The following UGT1A8 variants were observed in gnomAD, a reference collection of about 807,000 sequenced individuals.
UGT1A8 encodes the protein UDP glucuronosyltransferase family 1 member A8.
A neutral mutation model predicts 45.3 loss-of-function variants in UGT1A8; 39 were observed. The observed-to-expected ratio is 0.86, with a 90% CI of 0.67 to 1.12. The LOEUF is 1.12. Ranked by LOEUF, UGT1A8 falls within the 50% of genes most tolerant of loss-of-function variation. The pLI, the probability that UGT1A8 is intolerant of heterozygous loss-of-function variation, is 0.00. For missense variants in UGT1A8, 719 were observed against 664.9 expected (o/e 1.08, Z -0.90); for synonymous variants, 275 against 249.2 (o/e 1.10, Z -0.97).
chr2:233,638,541 A>G (rs1276355171), intron 1 of UGT1A8, among the ~76,000 whole-genome samples: 1 of 152,212 alleles, frequency 6.6e-6, no homozygotes, highest in East Asian at 1.9e-4. Context: ...TAGAGTAGCC[A>G]GTTTAAATAG....
intron 4 of UGT1A8, chr2:233,771,032 G>A (rs560864303): frequency 1.4e-4 from 22 of 152,232 alleles, no homozygotes; most frequent in African/African-American, 4.8e-4. Flanking sequence ...AGTTGGGGGG[G>A]AAGGTGCCAC....
At chr2:233,739,588 C>A (rs1487878859) in intron 1 of UGT1A8, among the ~76,000 whole-genome samples, 1 of 152,180 alleles carries the variant, frequency 6.6e-6, no homozygotes, top group African/African-American at 2.4e-5. Context: ...TTGCATGGGG[C>A]CTATAGCCCC....
Position 233,743,942 on chromosome 2 carries a change from G to A in UGT1A8, c.856-23092G>A, listed in dbSNP as rs1297528257. On this transcript the variant is annotated intron_variant, in intron 1 of 4. Coordinates refer to ENST00000373450, the MANE Select transcript of UGT1A8 (RefSeq NM_019076.5). ...GCTGGATGGCCAGAACGGCCCACCA[G>A]GCACTGGCACAGCGAGCGGCAAGGC... 3 of 1,352,602 alleles carry A rather than the reference G, an allele frequency of 2.2e-6. No individual in the cohort carries two copies. The African/African-American group carries it at 4.5e-5, about 20-fold the overall frequency. The allele number at this position is 1,352,602 out of a possible 1,614,324, so 83.8% of individuals were successfully genotyped here.
intron 1 of UGT1A8, among the ~76,000 whole-genome samples, chr2:233,715,537 C>T (rs532391786): frequency 4.5e-4 from 69 of 152,064 alleles, no homozygotes; most frequent in African/African-American, 1.4e-3. Context: ...TTTGGGAGAC[C>T]GAGGGAGGAG....
At chr2:233,644,783 T>C (rs2073555747) in intron 1 of UGT1A8, among the ~76,000 whole-genome samples, 1 of 152,114 alleles carries the variant, frequency 6.6e-6, no homozygotes, top group Non-Finnish European at 1.5e-5. Flanking sequence ...TTTTTTTTTC[T>C]ATTTCTTCAG....
chr2:233,737,160 G>A (rs1247160772), intron 1 of UGT1A8, among the ~76,000 whole-genome samples: 1 of 152,224 alleles, frequency 6.6e-6, no homozygotes, highest in Non-Finnish European at 1.5e-5. Flanking sequence ...CCTGCCCACA[G>A]AGGTGGAGTC....
chr2:233,709,130 G>A (rs569076662), intron 1 of UGT1A8, among the ~76,000 whole-genome samples: 60 of 152,068 alleles, frequency 3.9e-4, no homozygotes, highest in Non-Finnish European at 7.9e-4. Flanking sequence ...TGGTGGCCAA[G>A]GGGATGAGAC....
At chr2:233,707,162 C>A (rs2075944587) in intron 1 of UGT1A8, among the ~76,000 whole-genome samples, 1 of 152,100 alleles carries the variant, frequency 6.6e-6, no homozygotes, top group Non-Finnish European at 1.5e-5. Context: ...TTATCAGCAC[C>A]CAGACATCCA....
intron 1 of UGT1A8, chr2:233,747,431 A>C (rs184446696): frequency 1.0e-4 from 161 of 1,608,566 alleles, no homozygotes; most frequent in Middle Eastern, 1.7e-4. Flanking sequence ...AACAAGAGAA[A>C]TTTTTCACCC....
rs1354115874 is a variant in UGT1A8 at position 233,743,513 on chromosome 2, T to A, written c.856-23521T>A. 4 of 1,367,280 alleles carry A rather than the reference T, an allele frequency of 2.9e-6. No homozygotes were observed. In the South Asian group the frequency reaches 3.4e-5, roughly 12 times the overall value. The allele number at this position is 1,367,280 out of a possible 1,614,324, so 84.7% of individuals were successfully genotyped here. ...GCAGAGAAAAGGGGTGCAGACGCTC[T>A]GCTTCTGCTTCCCCAGCAGTTCCTC... On this transcript the variant is annotated intron_variant, in intron 1 of 4. Transcript: ENST00000373450.
At chr2:233,657,040 T>C (rs968138558) in intron 1 of UGT1A8, among the ~76,000 whole-genome samples, 2 of 152,148 alleles carry the variant, frequency 1.3e-5, no homozygotes, top group South Asian at 2.1e-4. Flanking sequence ...TGTCAGTTAC[T>C]GCTGCTTCCC....
At chr2:233,768,051 T>C in intron 3 of UGT1A8, 115 bp downstream of exon 3, 1 of 1,605,492 alleles carries the variant, frequency 6.2e-7, no homozygotes, top group South Asian at 1.1e-5. Flanking sequence ...CAACATATCC[T>C]ACATTGCTTT....
At chr2:233,747,557 A>G (rs1485247055) in intron 1 of UGT1A8, 14 of 1,596,092 alleles carry the variant, frequency 8.8e-6, no homozygotes, top group Non-Finnish European at 8.6e-6. Flanking sequence ...AAAGTATGGC[A>G]ATTTTGAAAA....
At chr2:233,633,404 C>A (rs1176829182) in intron 1 of UGT1A8, among the ~76,000 whole-genome samples, 3 of 152,150 alleles carry the variant, frequency 2.0e-5, no homozygotes, top group African/African-American at 7.2e-5. Context: ...CCTCTTTGTA[C>A]CTCTGGTAGA....
intron 1 of UGT1A8, chr2:233,648,711 G>A (rs950191233): frequency 4.0e-5 from 17 of 424,108 alleles, no homozygotes; most frequent in Middle Eastern, 3.7e-4. Context: ...TGATCCGCCC[G>A]CCTTGGCCTC....
chr2:233,634,222 C>T (rs2073238573), intron 1 of UGT1A8, among the ~76,000 whole-genome samples: 1 of 152,138 alleles, frequency 6.6e-6, no homozygotes, highest in African/African-American at 2.4e-5. Context: ...GAGTGTTTTG[C>T]TTCCAATTAT....
At chr2:233,672,599 G>GT (rs773814470) in intron 1 of UGT1A8, 4 of 1,613,822 alleles carry the variant, frequency 2.5e-6, no homozygotes, top group Non-Finnish European at 3.4e-6. Context: ...TTATGCCACC[G>GT]TTTTTTCAAA....
At chr2:233,742,146 G>A (rs1312882014) in intron 1 of UGT1A8, among the ~76,000 whole-genome samples, 1 of 151,928 alleles carries the variant, frequency 6.6e-6, no homozygotes, top group Admixed American at 6.5e-5. Context: ...AGCAGCGCTA[G>A]ACGAATTAAA....
At chr2:233,720,076 G>A (rs1239558691) in intron 1 of UGT1A8, among the ~76,000 whole-genome samples, 1 of 152,116 alleles carries the variant, frequency 6.6e-6, no homozygotes, top group African/African-American at 2.4e-5. Context: ...TTAGAATTGT[G>A]GACATGATAA....
Sources: allele counts gnomAD v4.1 joint callset (sites outside exome capture counted in the v4.1 genomes callset), GRCh38; gene constraint gnomAD v4.1.1; transcripts MANE v1.5; gene names NCBI Gene and HGNC (gene_info 2026-07-23, HGNC 2026-07-21).